Variants in MTUS1 observed in about 807,000 individuals in gnomAD.
MTUS1 encodes microtubule-associated tumor suppressor 1.
A neutral mutation model predicts 120.8 loss-of-function variants in MTUS1; 109 were observed. The observed-to-expected ratio is 0.90, with a 90% confidence interval of 0.77 to 1.06. The LOEUF is 1.06. Ranked by LOEUF, MTUS1 falls within the 50% of genes least tolerant of loss-of-function variation. MTUS1 has a pLI of 0.00. For missense variants in MTUS1, 2,210 were observed against 1,486.3 expected, an observed-to-expected ratio of 1.49 and a Z score of -8.01; for synonymous variants, 737 against 550.5, an observed-to-expected ratio of 1.34 and a Z score of -4.74.
chr8:17,730,199 CG>C (rs2046471481), intron 3 of MTUS1, among the ~76,000 whole-genome samples: 3 of 151,976 alleles, frequency 2.0e-5, no homozygotes, highest in African/African-American at 7.3e-5. Flanking sequence ...GAAAGCAGGC[CG>C]GGGGTGGTGG....
intron 7 of MTUS1, among the ~76,000 whole-genome samples, chr8:17,678,788 T>C (rs866500634): frequency 6.7e-6 from 1 of 149,950 alleles, no homozygotes; most frequent in Middle Eastern, 3.5e-3. Flanking sequence ...TTTGAAGAAT[T>C]AGAGGTTTGG....
intron 7 of MTUS1, among the ~76,000 whole-genome samples, chr8:17,679,471 T>C (rs1231776958): frequency 8.1e-6 from 1 of 123,972 alleles, no homozygotes; most frequent in East Asian, 2.3e-4. Flanking sequence ...TGATTTTTTT[T>C]CTCCAACTAT....
At chr8:17,722,140 A>G in intron 4 of MTUS1, 1 of 1,198,544 alleles carries the variant, frequency 8.3e-7, no homozygotes, top group Non-Finnish European at 1.0e-6. Context: ...CTGTGGGTGT[A>G]TGGTAAACCC....
At position 17,723,552 on chromosome 8, in the gene MTUS1, G is replaced by A. The variant is rs2045982919; in HGVS notation, c.2449+120C>T. The A allele has an allele frequency of 3.0e-6, 3 of 992,974 alleles. No individual in the cohort carries two copies. In the East Asian group the frequency reaches 7.4e-5, roughly 24 times the overall value. 61.5% of individuals were successfully genotyped at this position (992,974 alleles called of 1,614,324 possible). On this transcript the variant is annotated intron_variant, in intron 4 of 14. Transcript: ENST00000693296. The stretch of plus-strand genomic sequence containing the variant: ...AAACTTTCAGAGCAACTCCAAGGAA[G>A]CAGTATGCCTATTTTTCCTGAAACC...
intron 9 of MTUS1, among the ~76,000 whole-genome samples, chr8:17,655,298 AAAG>A (rs1273712805): frequency 7.2e-5 from 11 of 152,028 alleles, no homozygotes; most frequent in Non-Finnish European, 1.5e-4. Flanking sequence ...AAAAAAAAAA[AAAG>A]AAAGAAATGC....
chr8:17,704,825 A>C (rs73200186), intron 6 of MTUS1, among the ~76,000 whole-genome samples: 6,450 of 152,150 alleles, frequency 0.042, 160 homozygotes, highest in Middle Eastern at 0.065. Context: ...TTTGATAGGG[A>C]TTGCACTGAA....
chr8:17,728,837 G>A (rs954797401), intron 3 of MTUS1, among the ~76,000 whole-genome samples: 17 of 152,150 alleles, frequency 1.1e-4, no homozygotes, highest in Non-Finnish European at 4.4e-5. Flanking sequence ...ACTTGATTGT[G>A]TGGTAGCAGT....
chr8:17,709,354 CCT>C (rs1274240716), intron 6 of MTUS1, among the ~76,000 whole-genome samples: 1 of 152,078 alleles, frequency 6.6e-6, no homozygotes, highest in African/African-American at 2.4e-5. Flanking sequence ...TCAATCCGGA[CCT>C]CTCTTCTAGG....
chr8:17,722,990 C>A (rs955814609), intron 4 of MTUS1, among the ~76,000 whole-genome samples: 1 of 152,176 alleles, frequency 6.6e-6, no homozygotes, highest in Non-Finnish European at 1.5e-5. Flanking sequence ...TTCTCCTCAA[C>A]TATTTTTTAG....
At chr8:17,801,323 C>G (rs923011976), upstream of MTUS1, 1 of 151,870 alleles carries the variant, frequency 6.6e-6, no homozygotes, top group Non-Finnish European at 1.5e-5. Flanking sequence ...TGTAAATAGC[C>G]GAACTCGGGC....
At chr8:17,793,582 A>G (rs1283216187) in intron 1 of MTUS1, among the ~76,000 whole-genome samples, 2 of 152,202 alleles carry the variant, frequency 1.3e-5, no homozygotes, top group African/African-American at 4.8e-5. Context: ...TGTACCCAGC[A>G]TCCGAACATT....
chr8:17,708,273 G>A (rs1347322651), intron 6 of MTUS1, among the ~76,000 whole-genome samples: 2 of 152,178 alleles, frequency 1.3e-5, no homozygotes, highest in Non-Finnish European at 2.9e-5. Flanking sequence ...AAATGACCCA[G>A]TTTAAAACTG....
intron 8 of MTUS1, among the ~76,000 whole-genome samples, chr8:17,670,165 G>C (rs1366518607): frequency 6.6e-6 from 1 of 152,230 alleles, no homozygotes; most frequent in African/African-American, 2.4e-5. Context: ...AGGAACAGGG[G>C]TGAATGAGGA....
At chr8:17,764,114 C>T (rs2049270386) in intron 1 of MTUS1, among the ~76,000 whole-genome samples, 1 of 152,154 alleles carries the variant, frequency 6.6e-6, no homozygotes, top group Admixed American at 6.5e-5. Flanking sequence ...GATAGATATT[C>T]TTAAATACTG....
At chr8:17,768,329 A>C (rs923944881) in intron 1 of MTUS1, among the ~76,000 whole-genome samples, 2 of 152,324 alleles carry the variant, frequency 1.3e-5, no homozygotes, top group African/African-American at 4.8e-5. Context: ...TACTCAATCC[A>C]AAATAAATAA....
At chr8:17,792,302 A>T (rs2051856906) in intron 1 of MTUS1, among the ~76,000 whole-genome samples, 1 of 152,208 alleles carries the variant, frequency 6.6e-6, no homozygotes, top group African/African-American at 2.4e-5. Flanking sequence ...AGATCAAAAC[A>T]ACTCACACCA....
At chr8:17,737,068 G>A (rs1347683043) in intron 3 of MTUS1, among the ~76,000 whole-genome samples, 1 of 152,136 alleles carries the variant, frequency 6.6e-6, no homozygotes, top group Non-Finnish European at 1.5e-5. Context: ...ACACATATGT[G>A]GTTTAATGAA....
At chr8:17,678,158 C>G (rs1813501345) in intron 7 of MTUS1, among the ~76,000 whole-genome samples, 1 of 152,186 alleles carries the variant, frequency 6.6e-6, no homozygotes, top group Non-Finnish European at 1.5e-5. Context: ...CTGACTCTCC[C>G]TGGTAGCTTG....
chr8:17,746,131 G>A (rs2047724074), intron 2 of MTUS1, among the ~76,000 whole-genome samples: 2 of 152,210 alleles, frequency 1.3e-5, no homozygotes, highest in Middle Eastern at 3.4e-3. Context: ...ATATAGCAAT[G>A]TGAGAACAGA....
Sources: allele counts gnomAD v4.1 joint callset (sites outside exome capture counted in the v4.1 genomes callset), GRCh38; gene constraint gnomAD v4.1.1; transcripts MANE v1.5; gene names NCBI Gene and HGNC (gene_info 2026-07-23, HGNC 2026-07-21).